CDH13: variants seen among roughly 807,000 people sequenced by gnomAD.
CDH13 encodes the protein cadherin-13.
Under a neutral mutation model 63.8 loss-of-function variants are expected in CDH13, and 24 were observed. That is an observed-to-expected ratio of 0.38 (90% confidence interval 0.27 to 0.53). CDH13 has a LOEUF of 0.53. Ranked by LOEUF, CDH13 falls within the 20% of genes least tolerant of loss-of-function variation. The probability of loss-of-function intolerance (pLI) is 0.85; values close to 1 mark genes in which losing one functional copy is unlikely to be tolerated. For missense variants in CDH13, 1,049 were observed against 903.1 expected, an observed-to-expected ratio of 1.16 and a Z score of -2.07; for synonymous variants, 503 against 355.3, an observed-to-expected ratio of 1.42 and a Z score of -4.67.
intron 7 of CDH13, among the ~76,000 whole-genome samples, chr16:83,568,861 A>G (rs1157808683): frequency 6.6e-6 from 1 of 151,910 alleles, no homozygotes; most frequent in Non-Finnish European, 1.5e-5. Flanking sequence ...GTCCACTTCC[A>G]GCTCCTGCCT....
At chr16:82,835,474 C>T (rs996742736) in intron 1 of CDH13, among the ~76,000 whole-genome samples, 2 of 152,166 alleles carry the variant, frequency 1.3e-5, no homozygotes, top group Non-Finnish European at 1.5e-5. Context: ...AGCAAATTTC[C>T]TGGGATGTGC....
intron 1 of CDH13, among the ~76,000 whole-genome samples, chr16:82,835,509 G>C (rs181453383): frequency 2.6e-4 from 40 of 152,260 alleles, no homozygotes; most frequent in Admixed American, 5.9e-4. Flanking sequence ...GAATTCAGTT[G>C]CTGTAGCCCT....
chr16:83,249,716 A>G (rs1049327502), intron 5 of CDH13, among the ~76,000 whole-genome samples: 3 of 152,212 alleles, frequency 2.0e-5, no homozygotes, highest in African/African-American at 7.2e-5. Context: ...TCTCCAATTC[A>G]TGTCCATTCT....
chr16:83,775,462 C>T, intron 11 of CDH13, among the ~76,000 whole-genome samples: 1 of 149,308 alleles, frequency 6.7e-6, no homozygotes, highest in East Asian at 2.1e-4. Flanking sequence ...ACAAACTCAG[C>T]CAGACCCCCA....
At chr16:83,345,102 T>C in intron 6 of CDH13, 96 bp downstream of exon 6, 1 of 1,384,772 alleles carries the variant, frequency 7.2e-7, no homozygotes, top group South Asian at 1.5e-5. Flanking sequence ...CTGTTCCAAC[T>C]TGTCAGCTCG....
At chr16:83,555,673 T>A (rs1362480019) in intron 7 of CDH13, among the ~76,000 whole-genome samples, 1 of 152,238 alleles carries the variant, frequency 6.6e-6, no homozygotes, top group East Asian at 1.9e-4. Context: ...TCTGACTTTT[T>A]GAGAAACGCA....
intron 2 of CDH13, among the ~76,000 whole-genome samples, chr16:82,958,839 A>C (rs1206715544): frequency 6.6e-6 from 1 of 152,276 alleles, no homozygotes; most frequent in Non-Finnish European, 1.5e-5. Context: ...CTTCAAGTGC[A>C]TTCACCTGGG....
chr16:83,580,451 TCTCTCTCTC>T (rs1905466412), intron 7 of CDH13, among the ~76,000 whole-genome samples: 1 of 7,662 alleles, frequency 1.3e-4, no homozygotes. Context: ...TGTTCATTTC[TCTCTCTCTC>T]TCTCTCTCTC....
intron 5 of CDH13, among the ~76,000 whole-genome samples, chr16:83,336,419 G>A (rs1012361586): frequency 6.6e-6 from 1 of 152,124 alleles, no homozygotes; most frequent in African/African-American, 2.4e-5. Flanking sequence ...AACGGCAGTG[G>A]CAGCATCTAC....
At chr16:82,704,372 A>G (rs2031305257) in intron 1 of CDH13, among the ~76,000 whole-genome samples, 1 of 152,166 alleles carries the variant, frequency 6.6e-6, no homozygotes. Context: ...GTGCTGTTCA[A>G]TTTTATGTAA....
At chr16:83,707,819 G>T (rs986909101) in intron 10 of CDH13, among the ~76,000 whole-genome samples, 2 of 89,310 alleles carry the variant, frequency 2.2e-5, no homozygotes, top group African/African-American at 4.7e-5. Flanking sequence ...CTCATCTTTG[G>T]TGAGAGACCC....
At chr16:83,199,865 A>G (rs563585218) in intron 4 of CDH13, among the ~76,000 whole-genome samples, 40 of 152,176 alleles carry the variant, frequency 2.6e-4, no homozygotes, top group Non-Finnish European at 5.0e-4. Context: ...CCCAAGGTTA[A>G]AACCAAGGGC....
At chr16:83,285,206 C>G (rs1479149825) in intron 5 of CDH13, among the ~76,000 whole-genome samples, 1 of 152,136 alleles carries the variant, frequency 6.6e-6, no homozygotes, top group Non-Finnish European at 1.5e-5. Flanking sequence ...AAGTCCTACC[C>G]AGAAGGAAGA....
chr16:82,816,765 C>T (rs925053008), intron 1 of CDH13, among the ~76,000 whole-genome samples: 1 of 143,958 alleles, frequency 6.9e-6, no homozygotes, highest in African/African-American at 2.6e-5. Flanking sequence ...TTTATCATCA[C>T]CGTCGTCACC....
At chr16:82,864,966 A>G (rs1371633043) in intron 2 of CDH13, among the ~76,000 whole-genome samples, 1 of 152,078 alleles carries the variant, frequency 6.6e-6, no homozygotes, top group African/African-American at 2.4e-5. Flanking sequence ...ATTGGCCAAA[A>G]CGAAGGGTCT....
chr16:83,779,913 T>C, intron 11 of CDH13, 55 bp from the exon 12 acceptor site: 2 of 1,186,682 alleles, frequency 1.7e-6, no homozygotes, highest in Admixed American at 2.1e-5. Context: ...AGTGCTATGG[T>C]AAATTGCTCT....
At chr16:82,914,774 G>T (rs1044386105) in intron 2 of CDH13, among the ~76,000 whole-genome samples, 1 of 152,156 alleles carries the variant, frequency 6.6e-6, no homozygotes, top group Non-Finnish European at 1.5e-5. Flanking sequence ...GAAGTTACAT[G>T]CTCCATTTAG....
At chr16:83,647,649 C>T (rs1911961152) in intron 8 of CDH13, among the ~76,000 whole-genome samples, 2 of 152,202 alleles carry the variant, frequency 1.3e-5, no homozygotes, top group Non-Finnish European at 2.9e-5. Context: ...GGAAAATTGA[C>T]AGATTTTTCC....
intron 1 of CDH13, among the ~76,000 whole-genome samples, chr16:82,691,908 A>G (rs1232465394): frequency 6.6e-6 from 1 of 152,192 alleles, no homozygotes; most frequent in Non-Finnish European, 1.5e-5. Flanking sequence ...ATGAATCAGA[A>G]AAGCTGCCAG....
Sources: allele counts gnomAD v4.1 joint callset (sites outside exome capture counted in the v4.1 genomes callset), GRCh38; gene constraint gnomAD v4.1.1; transcripts MANE v1.5; gene names NCBI Gene and HGNC (gene_info 2026-07-23, HGNC 2026-07-21).